CRELD1: variants seen among roughly 807,000 people sequenced by gnomAD.
The protein encoded by CRELD1 is protein disulfide isomerase CRELD1.
In CRELD1, 42 loss-of-function variants were observed where a neutral mutation model predicts 58.2. The observed-to-expected ratio is 0.72, with a 90% CI of 0.56 to 0.93. The LOEUF (loss-of-function observed/expected upper bound fraction) is 0.93, where lower values mean the gene tolerates loss of function less well. CRELD1 is among the 40% of genes least tolerant of loss of function. The pLI is 0.00. For missense variants in CRELD1, 500 were observed against 540.6 expected, an observed-to-expected ratio of 0.92 and a Z score of 0.74; for synonymous variants, 222 against 202.0, an observed-to-expected ratio of 1.10 and a Z score of -0.84.
At chr3:9,940,753 G>C in intron 5 of CRELD1, 97 bp from the exon 6 acceptor site, 1 of 856,524 alleles carries the variant, frequency 1.2e-6, no homozygotes, top group Non-Finnish European at 1.8e-6. Flanking sequence ...GGGGGAGGGA[G>C]GGAAGGCAAG....
Position 9,937,565 on chromosome 3 carries a change from G to A in CRELD1, c.261G>A (p.Glu87=). ...EENLSKYKDS[E]TRLVEVLEGV... ...CAGCCCTGCCCTGTCCGATCAGTGA[G>A]ACCCGCCTGGTAGAGGTGCTGGAGG... Residue 87 remains glutamate, a synonymous_variant, in exon 4 of 11, where the codon GAG becomes GAA. Transcript: ENST00000452070. 1 of 1,609,526 alleles carries A rather than the reference G, an allele frequency of 6.2e-7. No individual in the cohort carries two copies. The highest frequency in any genetic ancestry group is 8.5e-7 in the Non-Finnish European group (1 of 1,178,108).
At chr3:9,934,705 T>G (rs2085117960) in intron 2 of CRELD1, 93 bp downstream of exon 2, 11 of 1,535,910 alleles carry the variant, frequency 7.2e-6, no homozygotes, top group Non-Finnish European at 9.8e-6. Flanking sequence ...AGTTTCATCT[T>G]GGTCTCTTAC....
At chr3:9,941,721 C>T (rs1331188215) in intron 7 of CRELD1, among the ~76,000 whole-genome samples, 1 of 130,710 alleles carries the variant, frequency 7.7e-6, no homozygotes, top group African/African-American at 2.9e-5. Flanking sequence ...ACCTGGGAGG[C>T]GGAGCTTGCA....
intron 8 of CRELD1, 63 bp from the exon 9 acceptor site, chr3:9,943,014 T>C: frequency 6.4e-7 from 1 of 1,568,338 alleles, no homozygotes; most frequent in Non-Finnish European, 8.8e-7. Context: ...CCTCCGCTTC[T>C]GGAGCGTGGC....
At chr3:9,938,289 A>T in intron 5 of CRELD1, 183 bp downstream of exon 5, 1 of 638,070 alleles carries the variant, frequency 1.6e-6, no homozygotes, top group Non-Finnish European at 2.8e-6. Flanking sequence ...GGCTTGGAGA[A>T]AGCACAGGGG....
chr3:9,934,147 C>T (rs150659129), intron 1 of CRELD1: 1 of 499,616 alleles, frequency 2.0e-6, no homozygotes, highest in Admixed American at 3.3e-5. Context: ...TTATCAGACC[C>T]TCAGACAAGA....
intron 3 of CRELD1, chr3:9,935,968 A>G (rs2085180862): frequency 6.6e-6 from 1 of 152,190 alleles, no homozygotes; most frequent in African/African-American, 2.4e-5. Context: ...AAGCCATTAT[A>G]TAGTCAATAT....
chr3:9,940,621 C>G, intron 5 of CRELD1, among the ~76,000 whole-genome samples: 1 of 142,964 alleles, frequency 7.0e-6, no homozygotes, highest in Non-Finnish European at 1.5e-5. Context: ...GGCAGCAGTA[C>G]AGTCCAGCTT....
intron 5 of CRELD1, among the ~76,000 whole-genome samples, chr3:9,940,204 GCTC>G (rs1261427873): frequency 6.6e-6 from 1 of 151,866 alleles, no homozygotes; most frequent in Non-Finnish European, 1.5e-5. Flanking sequence ...TGGCAGAGAG[GCTC>G]CTCATATCCC....
In CRELD1 at chr3:9,938,144, C is replaced by T. The variant is rs762613034; in HGVS notation, c.460+38C>T. ...GTTGCTCTTGGGGATGGGAGGGGAC[C>T]ACCGAGTCCAGGGATCCAGTCCTGG... On this transcript the variant is annotated intron_variant, in intron 5 of 10. Coordinates refer to ENST00000452070, the MANE Select transcript of CRELD1 (RefSeq NM_001077415.3). The T allele has an allele frequency of 2.0e-6, 3 of 1,485,572 alleles. No homozygotes were observed. In the South Asian group the frequency reaches 3.4e-5, roughly 17 times the overall value. The allele number at this position is 1,485,572 out of a possible 1,614,324, so 92.0% of individuals were successfully genotyped here.
At position 9,934,908 on chromosome 3, in the gene CRELD1, A is replaced by G; in HGVS notation, c.248A>G (p.Tyr83Cys). The G allele has an allele frequency of 6.2e-7, 1 of 1,611,090 alleles. No homozygotes were observed. Among genetic ancestry groups the G allele is most frequent in the Non-Finnish European group, 8.5e-7 (1 of 1,178,546 alleles). The change falls in exon 3 of 11, where the codon TAC becomes TGC. Residue 83 changes from tyrosine (Y) to cysteine (C), a missense_variant. Physicochemically the swap from Tyr to Cys is radical, Grantham distance 194 (BLOSUM62 -2). Transcript: ENST00000452070. ...TGGGAGGAAGAGAATTTGTCCAAAT[A>G]CAAAGACAGGTAAGGGGCTGCTGGG... is the stretch of plus-strand genomic sequence containing the variant. ...TAWEEENLSK[Y>C]KDSETRLVEV...
intron 5 of CRELD1, among the ~76,000 whole-genome samples, chr3:9,940,270 G>T (rs7627578): frequency 0.12 from 18,501 of 152,064 alleles, 1,967 homozygotes; most frequent in African/African-American, 0.29. Context: ...CGGGGTGGTG[G>T]CCGGGCAGAG....
At chr3:9,942,773 A>G (rs1348167823) in intron 7 of CRELD1, 40 bp from the exon 8 acceptor site, 1 of 1,530,928 alleles carries the variant, frequency 6.5e-7, no homozygotes. Context: ...TTCCCTACTA[A>G]ATAGGGATTG....
chr3:9,937,223 G>A (rs1380619518), intron 3 of CRELD1, among the ~76,000 whole-genome samples: 1 of 152,152 alleles, frequency 6.6e-6, no homozygotes, highest in East Asian at 1.9e-4. Flanking sequence ...GTTATAGGAT[G>A]TATTTTTAGC....
chr3:9,944,692 A>T lies in CRELD1; in HGVS notation c.*113A>T. 2 of 1,041,450 alleles carry T rather than the reference A, an allele frequency of 1.9e-6. No individual in the cohort carries two copies. Among genetic ancestry groups the T allele is most frequent in the Non-Finnish European group, 2.9e-6 (2 of 697,266 alleles). 64.5% of individuals were successfully genotyped at this position (1,041,450 alleles called of 1,614,324 possible). A position where few individuals can be genotyped will look rare whatever the true frequency, so the allele number is the denominator to read the frequency against. Reference sequence around the variant, plus strand: ...GTTTATTTTTGAGAGTGGGGTAAGCACCCCTACCTGCCTTACAGAGCAGCC... The same window carrying T: ...GTTTATTTTTGAGAGTGGGGTAAGCTCCCCTACCTGCCTTACAGAGCAGCC... On this transcript the variant is annotated 3_prime_UTR_variant, in exon 11 of 11. Coordinates refer to ENST00000452070, the MANE Select transcript of CRELD1 (RefSeq NM_001077415.3).
chr3:9,939,789 C>G (rs1358601924), intron 5 of CRELD1, among the ~76,000 whole-genome samples: 8 of 152,158 alleles, frequency 5.3e-5, no homozygotes, highest in Admixed American at 5.2e-4. Flanking sequence ...ACCTTTCCCC[C>G]TTTTCTATTC....
intron 9 of CRELD1, 66 bp from the exon 10 acceptor site, chr3:9,943,315 A>T: frequency 6.2e-7 from 1 of 1,612,486 alleles, no homozygotes; most frequent in Non-Finnish European, 8.5e-7. Flanking sequence ...TGAGAGATGG[A>T]CAAGATGGAG....
rs1028829784 is a variant in CRELD1 at position 9,944,880 on chromosome 3, G to C, written c.*301G>C. On this transcript the variant is annotated 3_prime_UTR_variant, in exon 11 of 11. Transcript: ENST00000452070. The stretch of plus-strand genomic sequence containing the variant: ...TGCTAGAGCTTTGGCCCCTGCTTAG[G>C]ATTAGGTGGTCCTCACAGGGGTGGG... 4.6e-6 allele frequency: 2 copies of C among 437,156 alleles called. No individual in the cohort carries two copies. The highest frequency in any genetic ancestry group is 4.0e-5 in the African/African-American group (2 of 49,710). 27.1% of individuals were successfully genotyped at this position (437,156 alleles called of 1,614,324 possible). A position where few individuals can be genotyped will look rare whatever the true frequency, so the allele number is the denominator to read the frequency against.
intron 1 of CRELD1, 69 bp downstream of exon 1, chr3:9,933,989 C>T (rs2085079813): frequency 6.1e-6 from 2 of 326,672 alleles, no homozygotes; most frequent in Non-Finnish European, 1.1e-5. Context: ...AATCTGATCC[C>T]TTCCCTTCAT....
Sources: gnomAD v4.1 joint callset for allele counts (sites outside exome capture counted in the v4.1 genomes callset) on GRCh38, gnomAD v4.1.1 for gene constraint, MANE v1.5 for transcripts, NCBI Gene and HGNC (gene_info 2026-07-23, HGNC 2026-07-21) for gene names.